The following GOLGA8M variants were observed in gnomAD, a reference collection of about 807,000 sequenced individuals.
GOLGA8M encodes the protein golgin A8 family member M, also known as golgin subfamily A member 8M.
Under a neutral mutation model 87.7 loss-of-function variants are expected in GOLGA8M, and 34 were observed. That is an observed-to-expected ratio of 0.39 (90% CI 0.29 to 0.52). The LOEUF is 0.52. Among genes scored for constraint, GOLGA8M ranks in the 20% least tolerant of loss-of-function variants. The pLI, the probability that GOLGA8M is intolerant of heterozygous loss-of-function variation, is 0.80. For synonymous variants in GOLGA8M, 138 were observed against 250.2 expected (o/e 0.55, Z 4.23); for missense variants, 396 against 682.2 (o/e 0.58, Z 4.67).
chr15:28,703,245 C>T lies in GOLGA8M; in HGVS notation c.1368+74G>A, dbSNP rs566008246. ...CCAGAGAAATCAGAAGGCAGGGAAA[C>T]GAAGAGCATAAAGGGGTCTTGGAGG... On this transcript the variant is annotated intron_variant, in intron 15 of 18. Coordinates refer to ENST00000563027, the MANE Select transcript of GOLGA8M (RefSeq NM_001282468.3). 714 of 707,568 alleles carry T rather than the reference C, an allele frequency of 1.0e-3. 23 individuals carry two copies. Among genetic ancestry groups the T allele is most frequent in the African/African-American group, 1.3e-3 (50 of 37,596 alleles). The allele number at this position is 707,568 out of a possible 1,614,324, so 43.8% of individuals were successfully genotyped here.
rs1324607618 is a variant in GOLGA8M at position 28,702,720 on chromosome 15, T to G, written c.1394A>C (p.Glu465Ala). 2.5e-6 allele frequency: 4 copies of G among 1,601,896 alleles called. No homozygotes were observed. Among genetic ancestry groups the G allele is most frequent in the Non-Finnish European group, 3.4e-6 (4 of 1,179,674 alleles). The part of the protein sequence containing the change: ...AMSSFMDHLE[E>A]KADLSELVKK... ...CACAAGCTCACTCAGGTCTGCCTTC[T>G]CCTCCAGGTGGTCCATAAAGCTGCT... is the stretch of plus-strand genomic sequence containing the variant. Residue 465 changes from glutamate (E) to alanine (A), a missense_variant, in exon 16 of 19, where the codon GAG becomes GCG. Glu to Ala is a moderately radical substitution (Grantham distance 107, BLOSUM62 -1). Around this residue, in one of 12 missense-constraint regions of GOLGA8M, gnomAD observed 173 missense variants for 150.2 expected, o/e 1.15. Coordinates refer to ENST00000563027, the MANE Select transcript of GOLGA8M (RefSeq NM_001282468.3).
intron 1 of GOLGA8M, chr15:28,711,631 A>G (rs2080197924): frequency 1.0e-6 from 1 of 985,202 alleles, no homozygotes; most frequent in Admixed American, 6.1e-5. Context: ...GGAACCAGAA[A>G]CGAGGTGAGA....
In GOLGA8M at chr15:28,712,202, G is replaced by C. The variant is rs950006783; in HGVS notation, c.48+74C>G. 8.9e-5 allele frequency: 135 copies of C among 1,523,496 alleles called. No individual in the cohort carries two copies. The Middle Eastern group carries it at 9.2e-4, about 10-fold the overall frequency. The allele number at this position is 1,523,496 out of a possible 1,614,324, so 94.4% of individuals were successfully genotyped here. A position where few individuals can be genotyped will look rare whatever the true frequency, so the allele number is the denominator to read the frequency against. The stretch of plus-strand genomic sequence containing the variant: ...TCCAGTGTGCCTCAGGAGTCGTATA[G>C]ACTCTGGCAGGGGTCTTGTCATCAG... On this transcript the variant is annotated intron_variant, in intron 1 of 18. Transcript: ENST00000563027.
Position 28,710,128 on chromosome 15 carries a change from A to C in GOLGA8M, c.168+359T>G, listed in dbSNP as rs1337335438. On this transcript the variant is annotated intron_variant, in intron 2 of 18. Coordinates refer to ENST00000563027, the MANE Select transcript of GOLGA8M (RefSeq NM_001282468.3). ...GAGTCTTGCTCTGTCACCAGGCTGG[A>C]GTGCGGTGGCATAATCTTGGCTACT... Among the ~76,000 whole-genome samples the C allele has an allele frequency of 6.9e-5, 10 of 145,836 alleles. No homozygotes were observed. The South Asian group carries it at 1.3e-3, about 19-fold the overall frequency.
chr15:28,699,312 C>A lies in GOLGA8M; in HGVS notation c.*2642G>T, dbSNP rs1209188302. The stretch of plus-strand genomic sequence containing the variant: ...TCAGTGGAACTCACAGTTTAAAATT[C>A]TGTGTTTCTGATGAACTCTAACATT... On this transcript the variant is annotated 3_prime_UTR_variant, in exon 19 of 19. Transcript: ENST00000563027. Among the ~76,000 whole-genome samples, 2 of 148,824 alleles carry A rather than the reference C, an allele frequency of 1.3e-5. No individual in the cohort carries two copies. Among genetic ancestry groups the A allele is most frequent in the Admixed American group, 1.4e-4 (2 of 14,400 alleles).
At chr15:28,704,989 AC>A (rs1210769699) in intron 13 of GOLGA8M, 169 bp downstream of exon 13, 2 of 1,041,608 alleles carry the variant, frequency 1.9e-6, no homozygotes, top group Non-Finnish European at 2.9e-6. Flanking sequence ...AGGGCTACCC[AC>A]CTTTAAAAGT....
At chr15:28,708,592 G>T (rs3894972) in intron 4 of GOLGA8M, among the ~76,000 whole-genome samples, 179 bp from the exon 5 acceptor site, 16 of 147,472 alleles carry the variant, frequency 1.1e-4, no homozygotes, top group Non-Finnish European at 8.9e-5. Context: ...GGGTCTTTGT[G>T]GGCTTTTGCC....
In GOLGA8M at chr15:28,707,869, G is replaced by C. The variant is rs774225007; in HGVS notation, c.482-12C>G. The C allele has an allele frequency of 2.0e-5, 32 of 1,568,244 alleles. No individual in the cohort carries two copies. The highest frequency in any genetic ancestry group is 2.6e-5 in the Non-Finnish European group (31 of 1,176,294). Reference sequence around the variant, plus strand: ...ATCCTTGGACTTTTCTGTAGTGAGAGAGTTGAGATGGGGCCCAAAGGACTC... The same window carrying C: ...ATCCTTGGACTTTTCTGTAGTGAGACAGTTGAGATGGGGCCCAAAGGACTC... On this transcript the variant is annotated splice_polypyrimidine_tract_variant and intron_variant, in intron 7 of 18. Transcript: ENST00000563027.
chr15:28,713,026 T>C (rs1424517939), upstream of GOLGA8M, among the ~76,000 whole-genome samples: 3 of 151,110 alleles, frequency 2.0e-5, no homozygotes, highest in Non-Finnish European at 2.9e-5. Context: ...ACAAGAAACA[T>C]GTCTAATATC....
intron 2 of GOLGA8M, among the ~76,000 whole-genome samples, chr15:28,710,180 C>T (rs2080156842): frequency 6.8e-6 from 1 of 146,480 alleles, no homozygotes; most frequent in Admixed American, 7.0e-5. Flanking sequence ...AGGTTCACAC[C>T]ATTCTCTTGC....
At chr15:28,704,110 G>A (rs2079926942) in intron 13 of GOLGA8M, among the ~76,000 whole-genome samples, 193 bp from the exon 14 acceptor site, 1 of 147,384 alleles carries the variant, frequency 6.8e-6, no homozygotes, top group Non-Finnish European at 1.5e-5. Context: ...TGCCTGTACA[G>A]CGCCTCCTTC....
Position 28,703,681 on chromosome 15 carries a change from C to T in GOLGA8M, c.1276+161G>A. ...TTAGGCAACTTGGTGACCCCCCGCT[C>T]ACAGGAGGTCACCACACTGATGCCG... is the stretch of plus-strand genomic sequence containing the variant. On this transcript the variant is annotated intron_variant, in intron 14 of 18. Coordinates refer to ENST00000563027, the MANE Select transcript of GOLGA8M (RefSeq NM_001282468.3). 3 of 892,206 alleles carry T rather than the reference C, an allele frequency of 3.4e-6. No individual in the cohort carries two copies. In the South Asian group the frequency reaches 4.9e-5, roughly 15 times the overall value. The allele number at this position is 892,206 out of a possible 1,614,324, so 55.3% of individuals were successfully genotyped here.
Position 28,700,598 on chromosome 15 carries a change from T to A in GOLGA8M, c.*1356A>T, listed in dbSNP as rs1336338943. Reference sequence around the variant, plus strand: ...TGTACACATTTTAAGTTTCATAAACTTCTCCTTGATTTTCAAAGATAGTAT... The same window carrying A: ...TGTACACATTTTAAGTTTCATAAACATCTCCTTGATTTTCAAAGATAGTAT... On this transcript the variant is annotated 3_prime_UTR_variant, in exon 19 of 19. Transcript: ENST00000563027. Among the ~76,000 whole-genome samples the A allele has an allele frequency of 7.0e-6, 1 of 142,022 alleles. No homozygotes were observed. The highest frequency in any genetic ancestry group is 2.7e-5 in the African/African-American group (1 of 37,484). 93.2% of individuals were successfully genotyped at this position (142,022 alleles called of 152,430 possible).
Position 28,699,341 on chromosome 15 carries a change from A to G in GOLGA8M, c.*2613T>C, listed in dbSNP as rs1322097482. Among the ~76,000 whole-genome samples, 3 of 149,310 alleles carry G rather than the reference A, an allele frequency of 2.0e-5. No homozygotes were observed. Among genetic ancestry groups the G allele is most frequent in the East Asian group, 2.3e-4 (1 of 4,400 alleles). ...GTTTCTGATGAACTCTAACATTCCA[A>G]TGTTGCCTTCTAAGCAAACTGAAAG... is the stretch of plus-strand genomic sequence containing the variant. On this transcript the variant is annotated 3_prime_UTR_variant, in exon 19 of 19. Coordinates refer to ENST00000563027, the MANE Select transcript of GOLGA8M (RefSeq NM_001282468.3).
intron 13 of GOLGA8M, among the ~76,000 whole-genome samples, chr15:28,704,257 C>A (rs1179530496): frequency 5.4e-5 from 8 of 148,986 alleles, no homozygotes; most frequent in Non-Finnish European, 1.0e-4. Context: ...TGCAGGAAGA[C>A]CCTGGGTGTG....
intron 8 of GOLGA8M, among the ~76,000 whole-genome samples, chr15:28,706,989 T>C (rs1048767998): frequency 7.0e-6 from 1 of 142,826 alleles, no homozygotes; most frequent in African/African-American, 2.7e-5. Flanking sequence ...CTTCACCAGA[T>C]ACCATGCTAA....
At chr15:28,712,666 C>A (rs1449657039), upstream of GOLGA8M, among the ~76,000 whole-genome samples, 34 of 152,040 alleles carry the variant, frequency 2.2e-4, no homozygotes, top group East Asian at 4.7e-3. Context: ...TTTGCTTTAA[C>A]AGCTTTAAAA....
In GOLGA8M at chr15:28,703,869, G is replaced by C; in HGVS notation, c.1249C>G (p.Leu417Val). The change falls in exon 14 of 19, where the codon CTG becomes GTG. Residue 417 changes from leucine to valine, a missense_variant. By Grantham distance (32) the Leu-to-Val change is conservative. Transcript: ENST00000563027. Reference protein sequence around the residue: ...SQQNQQLTAQLSLMALPGEGH... With the variant: ...SQQNQQLTAQVSLMALPGEGH... ...TCCCCAGGGAGAGCCATGAGGCTCA[G>C]CTGGGCCGTTAGCTGCTGGTTCTGC... is the stretch of plus-strand genomic sequence containing the variant. 13 of 1,545,698 alleles carry C rather than the reference G, an allele frequency of 8.4e-6. 3 individuals carry two copies. The South Asian group carries it at 1.4e-4, about 16-fold the overall frequency.
chr15:28,701,964 C>A lies in GOLGA8M; in HGVS notation c.1889G>T (p.Arg630Ile). 1 of 1,599,618 alleles carries A rather than the reference C, an allele frequency of 6.3e-7. No individual in the cohort carries two copies. The highest frequency in any genetic ancestry group is 8.5e-7 in the Non-Finnish European group (1 of 1,179,746). The change falls in exon 19 of 19, where the codon AGA becomes ATA. Residue 630 changes from arginine to isoleucine, a missense_variant. By Grantham distance (97) the Arg-to-Ile change is moderately conservative. Transcript: ENST00000563027. ...PFFCWAWLPR[R>I]RR Reference sequence around the variant, plus strand: ...TGAGGATGGTGATGTTTATCTCCTTCTTCTTGGCAGCCAAGCCCAGCAAAA... The same window carrying A: ...TGAGGATGGTGATGTTTATCTCCTTATTCTTGGCAGCCAAGCCCAGCAAAA...
Sources: allele counts gnomAD v4.1 joint callset (sites outside exome capture counted in the v4.1 genomes callset), GRCh38; gene constraint gnomAD v4.1.1; regional missense constraint gnomAD v4.1.1; transcripts MANE v1.5; gene names NCBI Gene and HGNC (gene_info 2026-07-23, HGNC 2026-07-21).